Variants in ST18 observed in about 807,000 individuals in gnomAD.
The protein encoded by ST18 is ST18 C2H2C-type zinc finger transcription factor.
Under a neutral mutation model 110.0 loss-of-function variants are expected in ST18, and 50 were observed. The observed-to-expected ratio is 0.45, with a 90% CI of 0.36 to 0.58. ST18 has a LOEUF of 0.58. Among genes scored for constraint, ST18 ranks in the 20% least tolerant of loss-of-function variants. The pLI, the probability that ST18 is intolerant of heterozygous loss-of-function variation, is 0.00. For missense variants in ST18, 1,306 were observed against 1,280.1 expected (o/e 1.02, Z -0.31); for synonymous variants, 461 against 452.4 (o/e 1.02, Z -0.24).
At chr8:52,309,524 A>AAAG (rs2095868765) in intron 2 of ST18, among the ~76,000 whole-genome samples, 1 of 147,764 alleles carries the variant, frequency 6.8e-6, no homozygotes, top group African/African-American at 2.6e-5. Flanking sequence ...CCATCTCAAA[A>AAAG]AAAAAAAAAA....
intron 8 of ST18, among the ~76,000 whole-genome samples, chr8:52,198,432 T>C (rs1421931646): frequency 1.3e-5 from 2 of 152,198 alleles, no homozygotes; most frequent in African/African-American, 2.4e-5. Context: ...TAAAAACCTA[T>C]AGATATACAC....
intron 2 of ST18, among the ~76,000 whole-genome samples, chr8:52,271,620 T>C (rs765528689): frequency 6.6e-6 from 1 of 152,224 alleles, no homozygotes; most frequent in Non-Finnish European, 1.5e-5. Context: ...TCTCCACCCA[T>C]GCGTTATTAA....
intron 2 of ST18, among the ~76,000 whole-genome samples, chr8:52,377,695 G>T (rs1832936517): frequency 6.6e-6 from 1 of 152,142 alleles, no homozygotes; most frequent in African/African-American, 2.4e-5. Context: ...CAGTGTGGAG[G>T]TTCTTCAAAT....
chr8:52,290,185 T>C (rs1348299102), intron 2 of ST18, among the ~76,000 whole-genome samples: 3 of 152,126 alleles, frequency 2.0e-5, no homozygotes, highest in Non-Finnish European at 2.9e-5. Flanking sequence ...CCACTCCTCC[T>C]TCATGTGACC....
chr8:52,382,887 A>T (rs1489886151), intron 2 of ST18, among the ~76,000 whole-genome samples: 1 of 152,080 alleles, frequency 6.6e-6, no homozygotes. Context: ...GCCCTAGGGA[A>T]GTGGACATTC....
intron 2 of ST18, among the ~76,000 whole-genome samples, chr8:52,278,479 C>A (rs896217078): frequency 6.6e-6 from 1 of 152,180 alleles, no homozygotes; most frequent in Non-Finnish European, 1.5e-5. Context: ...GGTTTTAGCT[C>A]ACTCTGCAAA....
chr8:52,319,262 G>A (rs917811239), intron 2 of ST18, among the ~76,000 whole-genome samples: 3 of 151,908 alleles, frequency 2.0e-5, no homozygotes, highest in South Asian at 2.1e-4. Flanking sequence ...ATTTGCTTTC[G>A]CTCAATACAA....
At chr8:52,156,733 G>A (rs1476581963) in intron 15 of ST18, among the ~76,000 whole-genome samples, 1 of 152,226 alleles carries the variant, frequency 6.6e-6, no homozygotes, top group Admixed American at 6.5e-5. Flanking sequence ...GTGTGCAAAT[G>A]TGTGCACGTG....
At chr8:52,234,355 C>G (rs1187480703) in intron 2 of ST18, among the ~76,000 whole-genome samples, 1 of 152,136 alleles carries the variant, frequency 6.6e-6, no homozygotes, top group African/African-American at 2.4e-5. Flanking sequence ...ACCTCCGCCC[C>G]CCGGATTCAA....
intron 2 of ST18, among the ~76,000 whole-genome samples, chr8:52,312,560 A>G (rs1317475258): frequency 6.6e-6 from 1 of 152,224 alleles, no homozygotes; most frequent in Non-Finnish European, 1.5e-5. Context: ...AACCAGATGG[A>G]TCCTAGAAGA....
intron 2 of ST18, among the ~76,000 whole-genome samples, chr8:52,381,454 T>C (rs1413331584): frequency 6.6e-6 from 1 of 152,160 alleles, no homozygotes; most frequent in Non-Finnish European, 1.5e-5. Context: ...ATTTTTACCA[T>C]CCATCTCCAA....
intron 17 of ST18, 124 bp from the exon 18 acceptor site, chr8:52,137,607 C>T (rs1294075399): frequency 9.6e-6 from 8 of 836,400 alleles, no homozygotes; most frequent in East Asian, 2.7e-5. Flanking sequence ...ATAGGACATG[C>T]AGAAGCTAGT....
At position 52,195,522 on chromosome 8, in the gene ST18, G is replaced by C. The variant is rs189990949; in HGVS notation, c.87-15210C>G. ...GAAAGATAAAAATAAAATTCACTTA[G>C]TTTATGAATATTTGCCTTACCAAAA... On this transcript the variant is annotated intron_variant, in intron 8 of 25. Coordinates refer to ENST00000689386, the MANE Select transcript of ST18 (RefSeq NM_001352837.2). Among the ~76,000 whole-genome samples the C allele has an allele frequency of 2.1e-3, 324 of 152,094 alleles. 2 individuals carry two copies. Among genetic ancestry groups the C allele is most frequent in the African/African-American group, 7.7e-3 (318 of 41,518 alleles).
intron 2 of ST18, among the ~76,000 whole-genome samples, chr8:52,378,036 T>G (rs745691736): frequency 6.6e-6 from 1 of 152,210 alleles, no homozygotes; most frequent in Non-Finnish European, 1.5e-5. Flanking sequence ...TGTACTCACT[T>G]ATTCGTGGGA....
intron 2 of ST18, among the ~76,000 whole-genome samples, chr8:52,314,900 A>C (rs1289885233): frequency 6.6e-6 from 1 of 152,170 alleles, no homozygotes; most frequent in Non-Finnish European, 1.5e-5. Context: ...ATTCTAAAGC[A>C]TCTGGGGCCT....
chr8:52,147,272 G>A (rs1274617013), intron 16 of ST18, among the ~76,000 whole-genome samples: 1 of 152,140 alleles, frequency 6.6e-6, no homozygotes, highest in Non-Finnish European at 1.5e-5. Flanking sequence ...GATGAATCCA[G>A]ATGATTTTTT....
intron 9 of ST18, among the ~76,000 whole-genome samples, chr8:52,179,008 A>G (rs901395375): frequency 6.6e-6 from 1 of 152,224 alleles, no homozygotes; most frequent in African/African-American, 2.4e-5. Context: ...AAAATTTATT[A>G]CATAAGAATC....
intron 2 of ST18, among the ~76,000 whole-genome samples, chr8:52,273,966 G>C (rs1053888974): frequency 6.6e-6 from 1 of 152,166 alleles, no homozygotes; most frequent in Non-Finnish European, 1.5e-5. Context: ...GATGAGTTCA[G>C]CAGTTCTGTA....
chr8:52,310,312 G>A (rs565868942), intron 2 of ST18, among the ~76,000 whole-genome samples: 1 of 152,162 alleles, frequency 6.6e-6, no homozygotes. Context: ...AAACAGCAAC[G>A]GTTCCACAGG....
Sources: gnomAD v4.1 joint callset for allele counts (sites outside exome capture counted in the v4.1 genomes callset) on GRCh38, gnomAD v4.1.1 for gene constraint, MANE v1.5 for transcripts, NCBI Gene and HGNC (gene_info 2026-07-23, HGNC 2026-07-21) for gene names.